PRELID2: variants seen among roughly 807,000 people sequenced by gnomAD.
The protein encoded by PRELID2 is PRELI domain containing 2, also known as PRELI domain-containing protein 2.
PRELID2 carries 25 observed loss-of-function variants against 28.4 expected under a neutral mutation model. The ratio of observed to expected loss-of-function variants is 0.88; its 90% CI spans 0.64 to 1.23. PRELID2 has a LOEUF of 1.23. Among genes scored for constraint, PRELID2 ranks in the 50% most tolerant of loss-of-function variants. The probability of loss-of-function intolerance (pLI) is 0.00; values close to 1 mark genes in which losing one functional copy is unlikely to be tolerated. For missense variants in PRELID2, 201 were observed against 214.4 expected, an observed-to-expected ratio of 0.94 and a Z score of 0.39; for synonymous variants, 76 against 71.6, an observed-to-expected ratio of 1.06 and a Z score of -0.31.
chr5:145,662,132 T>C (rs1754506598), intron 1 of PRELID2, among the ~76,000 whole-genome samples: 1 of 152,100 alleles, frequency 6.6e-6, no homozygotes, highest in African/African-American at 2.4e-5. Flanking sequence ...TCTTGACAGC[T>C]GCTGCTTTTC....
At chr5:145,765,892 C>T (rs1050748539) in intron 5 of PRELID2, among the ~76,000 whole-genome samples, 4 of 152,120 alleles carry the variant, frequency 2.6e-5, no homozygotes, top group Admixed American at 2.0e-4. Context: ...ATAATTTCCC[C>T]GAAGTTACAC....
chr5:145,780,722 T>C (rs1371929346), intron 5 of PRELID2, among the ~76,000 whole-genome samples: 1 of 152,192 alleles, frequency 6.6e-6, no homozygotes, highest in Non-Finnish European at 1.5e-5. Context: ...GAAAAACCAA[T>C]AGGTATTAAC....
the PRELID2 span, among the ~76,000 whole-genome samples, chr5:145,444,738 C>A: frequency 6.6e-6 from 1 of 151,944 alleles, no homozygotes; most frequent in African/African-American, 2.4e-5. Context: ...GAGTCTCTAA[C>A]TATATCATCC....
In PRELID2 at chr5:145,492,628, C is replaced by A. The variant is rs1752278800; in HGVS notation, n.71-19313G>T. ...TCATAGAGCTTTTTCACTATGTTTT[C>A]TTCTAAAGTTTCACAGTTTTGAGTC... On this transcript the variant is annotated intron_variant and non_coding_transcript_variant, in intron 1 of 2. Coordinates refer to the PRELID2 transcript ENST00000510259. Among the ~76,000 whole-genome samples, 2 of 141,416 alleles carry A rather than the reference C, an allele frequency of 1.4e-5. 1 individual carries two copies. The highest frequency in any genetic ancestry group is 3.2e-5 in the Non-Finnish European group (2 of 62,776). The allele number at this position is 141,416 out of a possible 152,430, so 92.8% of individuals were successfully genotyped here.
chr5:145,584,892 C>G (rs1753139563), intron 1 of PRELID2, among the ~76,000 whole-genome samples: 1 of 152,108 alleles, frequency 6.6e-6, no homozygotes. Context: ...CTTCAAAGAT[C>G]TAGAGACAGA....
chr5:145,344,472 G>T, the PRELID2 span, among the ~76,000 whole-genome samples: 1 of 152,034 alleles, frequency 6.6e-6, no homozygotes, highest in Non-Finnish European at 1.5e-5. Flanking sequence ...TAAGTCTCCT[G>T]TTTTGGAACA....
At chr5:145,454,056 G>A in the PRELID2 span, among the ~76,000 whole-genome samples, 2 of 151,928 alleles carry the variant, frequency 1.3e-5, no homozygotes, top group African/African-American at 2.4e-5. Context: ...TTCCACAATG[G>A]TTGAACTAAT....
chr5:145,832,353 T>G (rs1755648643), intron 1 of PRELID2, among the ~76,000 whole-genome samples: 1 of 151,988 alleles, frequency 6.6e-6, no homozygotes, highest in African/African-American at 2.4e-5. Context: ...CTGGCTAATT[T>G]TTTGTATTTT....
intron 1 of PRELID2, among the ~76,000 whole-genome samples, chr5:145,504,516 C>A (rs556358588): frequency 6.6e-6 from 1 of 152,090 alleles, no homozygotes; most frequent in Non-Finnish European, 1.5e-5. Flanking sequence ...CTTGAAATTT[C>A]TTTCAGTGGA....
the PRELID2 span, among the ~76,000 whole-genome samples, chr5:145,289,988 C>A: frequency 3.9e-5 from 6 of 152,032 alleles, no homozygotes; most frequent in Non-Finnish European, 8.8e-5. Context: ...AGCCAGCAGA[C>A]ACATGAAAAA....
At chr5:145,595,140 A>T (rs1580990895) in intron 1 of PRELID2, among the ~76,000 whole-genome samples, 1 of 145,018 alleles carries the variant, frequency 6.9e-6, no homozygotes, top group African/African-American at 2.6e-5. Context: ...AAAAAGAAGA[A>T]GAAGAAGAAG....
At chr5:145,687,124 G>T (rs944919267) in intron 1 of PRELID2, among the ~76,000 whole-genome samples, 2 of 152,120 alleles carry the variant, frequency 1.3e-5, no homozygotes, top group African/African-American at 4.8e-5. Flanking sequence ...CTGGAAGAAG[G>T]TGTTCTCTCT....
chr5:145,817,786 T>C (rs1316351926), intron 4 of PRELID2, 108 bp downstream of exon 4: 1 of 919,788 alleles, frequency 1.1e-6, no homozygotes, highest in Non-Finnish European at 1.5e-6. Context: ...GGAATTTGTA[T>C]GAGTTATAAA....
the PRELID2 span, among the ~76,000 whole-genome samples, chr5:145,388,286 A>G: frequency 6.6e-6 from 1 of 152,224 alleles, no homozygotes; most frequent in Non-Finnish European, 1.5e-5. Flanking sequence ...TTTTAAATGA[A>G]TAAATGTGTA....
chr5:145,353,421 C>T, the PRELID2 span, among the ~76,000 whole-genome samples: 167 of 151,932 alleles, frequency 1.1e-3, 1 homozygote, highest in African/African-American at 4.0e-3. Flanking sequence ...CAAGATTGTG[C>T]CACTGCACTA....
At chr5:145,551,592 T>C (rs961271768) in intron 1 of PRELID2, among the ~76,000 whole-genome samples, 2 of 152,108 alleles carry the variant, frequency 1.3e-5, no homozygotes, top group African/African-American at 4.8e-5. Context: ...CTTTGACTGA[T>C]TGTCATGATC....
chr5:145,430,823 A>G, the PRELID2 span, among the ~76,000 whole-genome samples: 5 of 152,002 alleles, frequency 3.3e-5, no homozygotes, highest in African/African-American at 9.7e-5. Context: ...ATGAGTTTCA[A>G]CAGGAAGCCT....
the PRELID2 span, among the ~76,000 whole-genome samples, chr5:145,230,515 G>T: frequency 1.3e-5 from 2 of 152,056 alleles, no homozygotes; most frequent in Admixed American, 1.3e-4. Context: ...GGAGGTGGAG[G>T]TTGCAGTGAG....
chr5:145,594,142 A>G (rs1580990280), intron 1 of PRELID2, among the ~76,000 whole-genome samples: 1 of 152,180 alleles, frequency 6.6e-6, no homozygotes, highest in South Asian at 2.1e-4. Flanking sequence ...ATAAGCATCC[A>G]TAGAGGCTTA....
Sources: gnomAD v4.1 joint callset for allele counts (sites outside exome capture counted in the v4.1 genomes callset) on GRCh38, gnomAD v4.1.1 for gene constraint, MANE v1.5 for transcripts, NCBI Gene and HGNC (gene_info 2026-07-23, HGNC 2026-07-21) for gene names.